The following AKAP13 variants were observed in gnomAD, a reference collection of about 807,000 sequenced individuals.
The protein encoded by AKAP13 is A-kinase anchoring protein 13, also known as A-kinase anchor protein 13.
A neutral mutation model predicts 264.5 loss-of-function variants in AKAP13; 80 were observed. That is an observed-to-expected ratio of 0.30 (90% CI 0.25 to 0.36). AKAP13 has a LOEUF of 0.36. AKAP13 is among the 10% of genes least tolerant of loss of function. AKAP13 has a pLI of 1.00. For missense variants in AKAP13, 3,712 were observed against 3,435.2 expected (o/e 1.08, Z -2.01); for synonymous variants, 1,380 against 1,250.2 (o/e 1.10, Z -2.19).
chr15:85,714,836 G>A (rs192462236), intron 19 of AKAP13, among the ~76,000 whole-genome samples: 178 of 152,126 alleles, frequency 1.2e-3, no homozygotes, highest in African/African-American at 4.1e-3. Flanking sequence ...GCATGGTGGC[G>A]GGTGCCTGTA....
chr15:85,483,354 T>C (rs2075406457), intron 1 of AKAP13, among the ~76,000 whole-genome samples: 1 of 152,144 alleles, frequency 6.6e-6, no homozygotes, highest in South Asian at 2.1e-4. Context: ...TGGCTGGGCA[T>C]GGTGGCTTAC....
At chr15:85,504,886 TCTC>T (rs2076163046) in intron 2 of AKAP13, among the ~76,000 whole-genome samples, 1 of 152,020 alleles carries the variant, frequency 6.6e-6, no homozygotes, top group Non-Finnish European at 1.5e-5. Flanking sequence ...TCTCTTGCTC[TCTC>T]GCTCTTGCTC....
chr15:85,534,157 A>T, intron 4 of AKAP13: 1 of 424,374 alleles, frequency 2.4e-6, no homozygotes, highest in Non-Finnish European at 4.2e-6. Flanking sequence ...TGATCTCTCA[A>T]GTGTAGAAAG....
chr15:85,657,836 A>G (rs1435317110), intron 11 of AKAP13, among the ~76,000 whole-genome samples: 1 of 151,968 alleles, frequency 6.6e-6, no homozygotes, highest in African/African-American at 2.4e-5. Context: ...CTTAAATGAT[A>G]ACAGCATCAA....
chr15:85,693,846 A>G (rs1407921333), intron 17 of AKAP13, among the ~76,000 whole-genome samples: 1 of 152,234 alleles, frequency 6.6e-6, no homozygotes, highest in African/African-American at 2.4e-5. Context: ...TGTGCTAGAT[A>G]ATTTTGGCCA....
chr15:85,708,876 G>A lies in AKAP13; in HGVS notation c.5532+790G>A, dbSNP rs2086468590. On this transcript the variant is annotated intron_variant, in intron 18 of 36. Coordinates refer to ENST00000394518, the MANE Select transcript of AKAP13 (RefSeq NM_007200.5). This position sits in a 1 kb window ranked among gnomAD's most constrained non-coding sequence, Gnocchi z 4.3. ...AATGTGCATCAGAATCAACTCGAGG[G>A]CTTATTGAAAGACAACTTACTGAGC... Among the ~76,000 whole-genome samples the A allele has an allele frequency of 6.6e-6, 1 of 152,124 alleles. No homozygotes were observed. The highest frequency in any genetic ancestry group is 2.1e-4 in the South Asian group (1 of 4,828).
chr15:85,624,682 A>G (rs1049921325), intron 8 of AKAP13: 1 of 152,242 alleles, frequency 6.6e-6, no homozygotes, highest in Non-Finnish European at 1.5e-5. Context: ...GAGGAAGTAA[A>G]TATGGTTAGT....
chr15:85,576,398 C>T (rs1462441336), intron 6 of AKAP13, among the ~76,000 whole-genome samples: 2 of 151,830 alleles, frequency 1.3e-5, no homozygotes, highest in Non-Finnish European at 2.9e-5. Flanking sequence ...CTAAAAAAAA[C>T]AGAAAAGATT....
At chr15:85,395,635 A>G (rs2071073659) in intron 1 of AKAP13, among the ~76,000 whole-genome samples, 1 of 152,216 alleles carries the variant, frequency 6.6e-6, no homozygotes. Flanking sequence ...GACAGATTGT[A>G]TGTATAAGAC....
chr15:85,582,311 T>C (rs2079159835), intron 7 of AKAP13, among the ~76,000 whole-genome samples: 1 of 152,160 alleles, frequency 6.6e-6, no homozygotes, highest in African/African-American at 2.4e-5. Flanking sequence ...ATTGTAGACT[T>C]ACTGCTTGGT....
At chr15:85,497,647 G>A (rs2075909501) in intron 2 of AKAP13, among the ~76,000 whole-genome samples, 1 of 152,204 alleles carries the variant, frequency 6.6e-6, no homozygotes, top group Non-Finnish European at 1.5e-5. Context: ...ACATGTGACT[G>A]TTTAATTAAA....
At chr15:85,613,120 A>T (rs1476532671) in intron 8 of AKAP13, among the ~76,000 whole-genome samples, 1 of 152,214 alleles carries the variant, frequency 6.6e-6, no homozygotes, top group Non-Finnish European at 1.5e-5. Context: ...AATATGGCTT[A>T]TAGTTTTATC....
intron 12 of AKAP13, among the ~76,000 whole-genome samples, chr15:85,659,350 A>C (rs2083235081): frequency 6.6e-6 from 1 of 152,200 alleles, no homozygotes; most frequent in Non-Finnish European, 1.5e-5. Flanking sequence ...CTCAGGAGGC[A>C]TTTGTAAAGA....
chr15:85,642,673 G>A (rs185682702), intron 9 of AKAP13, among the ~76,000 whole-genome samples: 101 of 152,162 alleles, frequency 6.6e-4, no homozygotes, highest in African/African-American at 2.3e-3. Context: ...GCAGACTCTC[G>A]TCCCAAACTT....
intron 1 of AKAP13, among the ~76,000 whole-genome samples, chr15:85,426,334 C>G (rs1459752225): frequency 6.6e-6 from 1 of 152,108 alleles, no homozygotes; most frequent in East Asian, 1.9e-4. Flanking sequence ...CAGTCATCTC[C>G]CATTGTGCGA....
intron 5 of AKAP13, among the ~76,000 whole-genome samples, chr15:85,564,701 CTG>C (rs2078540471): frequency 6.6e-6 from 1 of 152,158 alleles, no homozygotes; most frequent in South Asian, 2.1e-4. Flanking sequence ...CTTAGATTAT[CTG>C]TCTCTTCAGA....
At chr15:85,531,944 A>G (rs138612943) in intron 3 of AKAP13, among the ~76,000 whole-genome samples, 1 of 152,212 alleles carries the variant, frequency 6.6e-6, no homozygotes, top group African/African-American at 2.4e-5. Context: ...AGGCAATGTG[A>G]TACAAAACCC....
chr15:85,497,558 G>T (rs1252048460), intron 2 of AKAP13, among the ~76,000 whole-genome samples: 1 of 152,174 alleles, frequency 6.6e-6, no homozygotes, highest in Non-Finnish European at 1.5e-5. Flanking sequence ...TGCTTGACCA[G>T]GGTGGGCAGT....
At chr15:85,638,654 A>AT (rs1191521684) in intron 8 of AKAP13, among the ~76,000 whole-genome samples, 3 of 152,134 alleles carry the variant, frequency 2.0e-5, no homozygotes, top group South Asian at 2.1e-4. Flanking sequence ...CAATATTTAA[A>AT]TTTTTTTTAA....
Sources: gnomAD v4.1 joint callset for allele counts (sites outside exome capture counted in the v4.1 genomes callset) on GRCh38, gnomAD v4.1.1 for gene constraint, Gnocchi (gnomAD v3.1) non-coding constraint, MANE v1.5 for transcripts, NCBI Gene and HGNC (gene_info 2026-07-23, HGNC 2026-07-21) for gene names.